NAALADL2: variants seen among roughly 807,000 people sequenced by gnomAD.
The protein encoded by NAALADL2 is N-acetylated alpha-linked acidic dipeptidase like 2, also known as inactive N-acetylated-alpha-linked acidic dipeptidase-like protein 2.
A neutral mutation model predicts 87.2 loss-of-function variants in NAALADL2; 76 were observed. The observed-to-expected ratio is 0.87, with a 90% confidence interval of 0.72 to 1.05. The LOEUF is 1.05. Ranked by LOEUF, NAALADL2 falls within the 50% of genes least tolerant of loss-of-function variation. NAALADL2 has a pLI of 0.00. For missense variants in NAALADL2, 1,089 were observed against 945.8 expected, an observed-to-expected ratio of 1.15 and a Z score of -1.99; for synonymous variants, 354 against 331.0, an observed-to-expected ratio of 1.07 and a Z score of -0.75.
At chr3:175,675,578 A>G (rs763931983) in intron 11 of NAALADL2, 4 of 152,238 alleles carry the variant, frequency 2.6e-5, no homozygotes, top group Admixed American at 6.5e-5. Context: ...TTCCAATTAG[A>G]TGAATATAAC....
intron 11 of NAALADL2, among the ~76,000 whole-genome samples, chr3:175,671,284 G>T (rs1257638972): frequency 6.6e-6 from 1 of 151,742 alleles, no homozygotes; most frequent in Non-Finnish European, 1.5e-5. Flanking sequence ...TATTTTGTTG[G>T]ATATATCTGA....
intron 1 of NAALADL2, among the ~76,000 whole-genome samples, chr3:175,073,060 G>A (rs971802563): frequency 6.6e-6 from 1 of 151,996 alleles, no homozygotes; most frequent in Non-Finnish European, 1.5e-5. Context: ...CATTCATACT[G>A]TTTAGAGTGT....
Position 175,013,152 on chromosome 3 carries a change from T to G in NAALADL2, c.44-83638T>G, listed in dbSNP as rs1560475295. 2.8e-4 allele frequency among the ~76,000 whole-genome samples: 36 copies of G among 129,686 alleles called. 6 individuals carry two copies. The highest frequency in any genetic ancestry group is 1.7e-3 in the East Asian group (8 of 4,782). 85.1% of individuals were successfully genotyped at this position (129,686 alleles called of 152,430 possible). Reference sequence around the variant, plus strand: ...TTTATATATAAATATGTAATACATATTTATATATAAATATGTAATACATAT... The same window carrying G: ...TTTATATATAAATATGTAATACATAGTTATATATAAATATGTAATACATAT... On this transcript the variant is annotated intron_variant, in intron 1 of 13. Transcript: ENST00000454872.
intron 1 of NAALADL2, among the ~76,000 whole-genome samples, chr3:174,899,332 C>T (rs1732019930): frequency 6.6e-6 from 1 of 151,914 alleles, no homozygotes; most frequent in South Asian, 2.1e-4. Context: ...GTATTTGGCC[C>T]CACCCAAATC....
At position 175,643,386 on chromosome 3, in the gene NAALADL2, G is replaced by A. The variant is rs79724254; in HGVS notation, c.1896+16000G>A. Among the ~76,000 whole-genome samples, 846 of 152,270 alleles carry A rather than the reference G, an allele frequency of 5.6e-3. 12 individuals carry two copies. The highest frequency in any genetic ancestry group is 0.019 in the African/African-American group (799 of 41,544). On this transcript the variant is annotated intron_variant, in intron 11 of 13. Coordinates refer to ENST00000454872, the MANE Select transcript of NAALADL2 (RefSeq NM_207015.3). ...GCTGGAATGCAATTACTGCTTCATA[G>A]GGAATGAATATCTTTAAGTCTACTG...
chr3:175,528,644 C>T (rs1733722118), intron 9 of NAALADL2, among the ~76,000 whole-genome samples: 1 of 152,122 alleles, frequency 6.6e-6, no homozygotes, highest in Non-Finnish European at 1.5e-5. Context: ...CAAATAAAGA[C>T]AATAATAAGG....
chr3:175,267,541 T>C (rs563619184), intron 4 of NAALADL2, among the ~76,000 whole-genome samples: 23 of 152,300 alleles, frequency 1.5e-4, no homozygotes, highest in Non-Finnish European at 3.1e-4. Flanking sequence ...TTATTTTGTC[T>C]AAAGTTTTTC....
At chr3:175,645,569 G>C (rs1729892829) in intron 11 of NAALADL2, among the ~76,000 whole-genome samples, 1 of 152,006 alleles carries the variant, frequency 6.6e-6, no homozygotes, top group Non-Finnish European at 1.5e-5. Context: ...GAATTATCTA[G>C]TTACAGAGGG....
chr3:174,854,756 G>A (rs917134379), upstream of NAALADL2, among the ~76,000 whole-genome samples: 2 of 149,872 alleles, frequency 1.3e-5, no homozygotes, highest in Non-Finnish European at 3.0e-5. Context: ...ATAATATATT[G>A]AATACGTAAC....
chr3:174,673,863 C>G (rs1051982962), intron 2 of NAALADL2, among the ~76,000 whole-genome samples: 2 of 151,818 alleles, frequency 1.3e-5, no homozygotes, highest in Non-Finnish European at 2.9e-5. Flanking sequence ...TGCTAAATAC[C>G]CTTATTTGAT....
chr3:175,248,593 GGA>G (rs1456450598), intron 3 of NAALADL2, among the ~76,000 whole-genome samples: 1 of 151,732 alleles, frequency 6.6e-6, no homozygotes, highest in Non-Finnish European at 1.5e-5. Context: ...TTCTCTGTTT[GGA>G]TATATACACA....
intron 1 of NAALADL2, among the ~76,000 whole-genome samples, chr3:174,988,526 G>A (rs969018649): frequency 2.0e-5 from 3 of 152,190 alleles, no homozygotes; most frequent in Admixed American, 2.0e-4. Flanking sequence ...GCCACAAACT[G>A]AGTGCCTTAA....
chr3:175,681,647 A>G (rs1735614269), intron 11 of NAALADL2, among the ~76,000 whole-genome samples: 1 of 152,200 alleles, frequency 6.6e-6, no homozygotes. Flanking sequence ...TCTTTGAAGA[A>G]CACTCTTTAT....
chr3:174,744,725 G>A (rs1022121507), intron 3 of NAALADL2, among the ~76,000 whole-genome samples: 1 of 151,996 alleles, frequency 6.6e-6, no homozygotes, highest in African/African-American at 2.4e-5. Flanking sequence ...AAATGCAAAA[G>A]AACTGAAATC....
intron 1 of NAALADL2, among the ~76,000 whole-genome samples, chr3:175,070,685 T>A (rs1382392674): frequency 6.6e-6 from 1 of 152,078 alleles, no homozygotes; most frequent in Non-Finnish European, 1.5e-5. Flanking sequence ...CTTATATTAT[T>A]TCAGTTGACT....
intron 9 of NAALADL2, among the ~76,000 whole-genome samples, chr3:175,560,683 G>A (rs62288381): frequency 0.13 from 19,902 of 152,078 alleles, 1,408 homozygotes; most frequent in Middle Eastern, 0.17. Flanking sequence ...TTGCAGTGCC[G>A]CAATTTCAGC....
intron 6 of NAALADL2, among the ~76,000 whole-genome samples, chr3:175,449,748 C>T (rs945942469): frequency 1.4e-4 from 21 of 152,164 alleles, no homozygotes; most frequent in African/African-American, 4.6e-4. Flanking sequence ...ATGACACTCT[C>T]CAGCTGCATT....
intron 2 of NAALADL2, among the ~76,000 whole-genome samples, chr3:174,563,561 C>T (rs998316803): frequency 3.3e-5 from 5 of 150,968 alleles, no homozygotes; most frequent in African/African-American, 1.2e-4. Flanking sequence ...CAATGTCATT[C>T]TAGATACTAA....
chr3:175,191,579 G>A (rs2109060397), intron 2 of NAALADL2, among the ~76,000 whole-genome samples: 1 of 152,266 alleles, frequency 6.6e-6, no homozygotes, highest in South Asian at 2.1e-4. Flanking sequence ...TGATATATTT[G>A]TGAGAAATAT....
Sources: allele counts gnomAD v4.1 joint callset (sites outside exome capture counted in the v4.1 genomes callset), GRCh38; gene constraint gnomAD v4.1.1; transcripts MANE v1.5; gene names NCBI Gene and HGNC (gene_info 2026-07-23, HGNC 2026-07-21).